SLC16A5: variants seen among roughly 807,000 people sequenced by gnomAD.
The protein encoded by SLC16A5 is monocarboxylate transporter 6.
Under a neutral mutation model 33.2 loss-of-function variants are expected in SLC16A5, and 29 were observed. That is an observed-to-expected ratio of 0.87 (90% CI 0.65 to 1.19). The LOEUF (loss-of-function observed/expected upper bound fraction) is 1.19. Among genes scored for constraint, SLC16A5 ranks in the 50% most tolerant of loss-of-function variants. The probability of loss-of-function intolerance (pLI) is 0.00; values close to 1 mark genes in which losing one functional copy is unlikely to be tolerated. For missense variants in SLC16A5, 606 were observed against 678.2 expected (o/e 0.89, Z 1.18); for synonymous variants, 248 against 284.1 (o/e 0.87, Z 1.28).
In SLC16A5 at chr17:75,093,786, C is replaced by T. The variant is rs373405031; in HGVS notation, c.150C>T (p.Ser50=). Residue 50 remains serine (S), a synonymous_variant, in exon 3 of 7, where the codon AGC becomes AGT. Coordinates refer to ENST00000329783, the MANE Select transcript of SLC16A5 (RefSeq NM_004695.4). The stretch of plus-strand genomic sequence containing the variant: ...AATGGGAGTTCCAGGCCAGCAACAG[C>T]GAGACCTCTTGGTTCCCCTCCATCC... ...ELQWEFQASN[S]ETSWFPSILT... is the part of the protein sequence containing the mutation. The T allele has an allele frequency of 5.0e-5, 81 of 1,614,038 alleles. 1 individual carries two copies. The East Asian group carries it at 1.5e-3, about 31-fold the overall frequency.
chr17:75,092,700 A>G (rs923603892), intron 2 of SLC16A5, among the ~76,000 whole-genome samples: 2 of 150,892 alleles, frequency 1.3e-5, no homozygotes, highest in African/African-American at 2.4e-5. Flanking sequence ...GTGTGTGACT[A>G]TCCAAGTGTG....
intron 5 of SLC16A5, among the ~76,000 whole-genome samples, chr17:75,103,134 C>T (rs991611115): frequency 2.6e-5 from 4 of 152,110 alleles, no homozygotes; most frequent in Admixed American, 2.0e-4. Flanking sequence ...CGTGATCTGC[C>T]GGCCTCGGCC....
intron 1 of SLC16A5, chr17:75,088,865 C>T (rs908025166): frequency 1.3e-5 from 2 of 152,180 alleles, no homozygotes; most frequent in African/African-American, 4.8e-5. Flanking sequence ...CTAGTGAGGC[C>T]CCTGTTATCA....
intron 3 of SLC16A5, among the ~76,000 whole-genome samples, chr17:75,096,546 T>C (rs57106247): frequency 0.061 from 9,078 of 149,588 alleles, 1,073 homozygotes; most frequent in African/African-American, 0.21. Flanking sequence ...TTTTTTTTTT[T>C]CGGAGATGGA....
At chr17:75,101,226 G>A (rs539109448) in intron 5 of SLC16A5, among the ~76,000 whole-genome samples, 1 of 147,898 alleles carries the variant, frequency 6.8e-6, no homozygotes, top group Non-Finnish European at 1.5e-5. Context: ...TCCAGGCTGG[G>A]CAACAAAGCG....
In SLC16A5 at chr17:75,100,556, C is replaced by A. The variant is rs147815125; in HGVS notation, c.893C>A (p.Pro298Gln). 6.2e-7 allele frequency: 1 copy of A among 1,614,200 alleles called. No homozygotes were observed. Among genetic ancestry groups the A allele is most frequent in the African/African-American group, 1.3e-5 (1 of 75,046 alleles). ...RPLAGLMAGR[P>Q]AFASHRKYLF... ...CTAGCCGGGCTGATGGCAGGACGGC[C>A]GGCCTTTGCTAGCCACCGCAAGTAC... The change falls in exon 5 of 7, where the codon CCG becomes CAG. Residue 298 changes from proline to glutamine, a missense_variant. Pro to Gln is a moderately conservative substitution (Grantham distance 76). Transcript: ENST00000329783.
At chr17:75,104,449 C>G (rs1471186601) in intron 6 of SLC16A5, 12 of 1,182,910 alleles carry the variant, frequency 1.0e-5, no homozygotes, top group African/African-American at 1.9e-5. Context: ...GGCGGAGTTT[C>G]ACTCTTGTTG....
intron 2 of SLC16A5, among the ~76,000 whole-genome samples, chr17:75,090,963 T>C (rs2073630117): frequency 6.6e-6 from 1 of 152,238 alleles, no homozygotes; most frequent in Non-Finnish European, 1.5e-5. Flanking sequence ...AGAAGAGCTC[T>C]TCTCATAGAA....
At chr17:75,105,448 GCCC>G in intron 6 of SLC16A5, 2 of 985,344 alleles carry the variant, frequency 2.0e-6, no homozygotes, top group Non-Finnish European at 2.4e-6. Flanking sequence ...TCCTCCAGAG[GCCC>G]CCCTTTTCCC....
chr17:75,099,941 C>T, intron 4 of SLC16A5, 66 bp from the exon 5 acceptor site: 1 of 1,462,726 alleles, frequency 6.8e-7, no homozygotes, highest in South Asian at 1.3e-5. Flanking sequence ...ACCACTGACC[C>T]CACCCCTGGG....
At chr17:75,109,841 G>C, downstream of SLC16A5, 1 of 170,486 alleles carries the variant, frequency 5.9e-6, no homozygotes, top group Non-Finnish European at 1.3e-5. This position sits in a 1 kb window ranked among gnomAD's most constrained non-coding sequence, Gnocchi z 5.0. Flanking sequence ...CTCGCCGCTG[G>C]TTCCAGCACA....
In SLC16A5 at chr17:75,094,714, G is replaced by C. The variant is rs1397579227; in HGVS notation, c.199+879G>C. On this transcript the variant is annotated intron_variant, in intron 3 of 6. Coordinates refer to ENST00000329783, the MANE Select transcript of SLC16A5 (RefSeq NM_004695.4). Reference sequence around the variant, plus strand: ...AAAAAAAAAGACACCAGGAACAAGAGGGGGACAAGGCAGGAGCCCCAGCTC... The same window carrying C: ...AAAAAAAAAGACACCAGGAACAAGACGGGGACAAGGCAGGAGCCCCAGCTC... Among the ~76,000 whole-genome samples the C allele has an allele frequency of 4.0e-5, 6 of 150,622 alleles. No individual in the cohort carries two copies. The East Asian group carries it at 5.8e-4, about 15-fold the overall frequency.
At position 75,104,988 on chromosome 17, in the gene SLC16A5, G is replaced by A. The variant is rs371506544; in HGVS notation, c.1364+808G>A. ...TTTGTCTTTCTCTGGCCTCCATACCGTTCTGAAGAGCTCACCTTCCTCTAG... is the reference window on the plus strand; with the variant it reads ...TTTGTCTTTCTCTGGCCTCCATACCATTCTGAAGAGCTCACCTTCCTCTAG... On this transcript the variant is annotated intron_variant, in intron 6 of 6. Transcript: ENST00000329783. 105 of 985,430 alleles carry A rather than the reference G, an allele frequency of 1.1e-4. No homozygotes were observed. The East Asian group carries it at 2.8e-3, about 27-fold the overall frequency. 61.0% of individuals were successfully genotyped at this position (985,430 alleles called of 1,614,324 possible).
chr17:75,106,469 T>C (rs2073864046), downstream of SLC16A5, among the ~76,000 whole-genome samples: 1 of 151,674 alleles, frequency 6.6e-6, no homozygotes, highest in Non-Finnish European at 1.5e-5. Flanking sequence ...AAAAAAGATA[T>C]CAGCTGGAGA....
chr17:75,109,525 A>T (rs889787767), downstream of SLC16A5, among the ~76,000 whole-genome samples: 22 of 152,172 alleles, frequency 1.4e-4, no homozygotes, highest in Non-Finnish European at 2.9e-4. This position sits in a 1 kb window ranked among gnomAD's most constrained non-coding sequence, Gnocchi z 5.0. Context: ...GGGTGCTGCC[A>T]GACTCTGCTG....
chr17:75,108,714 G>GATTACATAATTC (rs1490814214), downstream of SLC16A5, among the ~76,000 whole-genome samples: 1 of 152,176 alleles, frequency 6.6e-6, no homozygotes, highest in African/African-American at 2.4e-5. Flanking sequence ...GAAAAAATAG[G>GATTACATAATTC]ATTACATAAT....
intron 2 of SLC16A5, among the ~76,000 whole-genome samples, chr17:75,092,850 T>TGTGA (rs1555645058): frequency 0.012 from 1,741 of 150,576 alleles, 25 homozygotes; most frequent in Non-Finnish European, 0.014. Flanking sequence ...TGTGTGTGTG[T>TGTGA]GTGTGTGTGT....
At chr17:75,105,558 C>A in intron 6 of SLC16A5, 1 of 985,342 alleles carries the variant, frequency 1.0e-6, no homozygotes, top group African/African-American at 1.7e-5. Context: ...CCAAGCTCCC[C>A]ACACACACAT....
At chr17:75,105,465 C>A (rs570513895) in intron 6 of SLC16A5, 9 of 985,252 alleles carry the variant, frequency 9.1e-6, no homozygotes, top group Non-Finnish European at 9.6e-6. Flanking sequence ...TTTTCCCTGC[C>A]GTGTTATTGG....
Sources: gnomAD v4.1 joint callset for allele counts (sites outside exome capture counted in the v4.1 genomes callset) on GRCh38, gnomAD v4.1.1 for gene constraint, Gnocchi (gnomAD v3.1) non-coding constraint, MANE v1.5 for transcripts, NCBI Gene and HGNC (gene_info 2026-07-23, HGNC 2026-07-21) for gene names.